The following SRRM3 variants were observed in gnomAD, a reference collection of about 807,000 sequenced individuals.
SRRM3 encodes the protein serine/arginine repetitive matrix protein 3.
SRRM3 carries 27 observed loss-of-function variants against 66.2 expected under a neutral mutation model. The observed-to-expected ratio is 0.41, with a 90% CI of 0.30 to 0.56. The LOEUF is 0.56. Ranked by LOEUF, SRRM3 falls within the 20% of genes least tolerant of loss-of-function variation. The pLI is 0.32. For missense variants in SRRM3, 918 were observed against 991.9 expected (o/e 0.93, Z 1.00); for synonymous variants, 391 against 414.9 (o/e 0.94, Z 0.70).
At chr7:76,271,599 C>T (rs1361129989) in intron 11 of SRRM3, among the ~76,000 whole-genome samples, 3 of 152,132 alleles carry the variant, frequency 2.0e-5, no homozygotes, top group Non-Finnish European at 2.9e-5. Flanking sequence ...GCCATGATTG[C>T]GCCACTGCAC....
rs1802622967 is a variant in SRRM3 at position 76,285,032 on chromosome 7, G to A, written c.1734-583G>A. ...CACTTACACGCCAGCTTGGGTGATG[G>A]GAGCTGTCCACATTTGCAAGTTTCA... On this transcript the variant is annotated intron_variant, in intron 14 of 14. Coordinates refer to ENST00000611745, the MANE Select transcript of SRRM3 (RefSeq NM_001110199.3). The surrounding 1 kb of genome is among the most constrained non-coding windows in gnomAD (Gnocchi z 4.1). 6.6e-6 allele frequency among the ~76,000 whole-genome samples: 1 copy of A among 152,172 alleles called. No homozygotes were observed. The highest frequency in any genetic ancestry group is 1.5e-5 in the Non-Finnish European group (1 of 68,022).
At chr7:76,278,911 G>A (rs781830263) in intron 11 of SRRM3, among the ~76,000 whole-genome samples, 9 of 152,138 alleles carry the variant, frequency 5.9e-5, no homozygotes, top group South Asian at 2.1e-4. Flanking sequence ...AGTCCCTAGC[G>A]GCAAGGTGCC....
At chr7:76,220,003 T>C (rs782749386) in intron 1 of SRRM3, among the ~76,000 whole-genome samples, 1 of 152,168 alleles carries the variant, frequency 6.6e-6, no homozygotes, top group Admixed American at 6.5e-5. Context: ...AGCATGCACA[T>C]AGTCTAGGCA....
intron 14 of SRRM3, chr7:76,283,890 A>AG: frequency 5.2e-6 from 5 of 970,546 alleles, no homozygotes; most frequent in Non-Finnish European, 6.1e-6. Flanking sequence ...TTACCCTGGC[A>AG]GGGGGTTGGG....
chr7:76,266,266 A>C (rs868916176), intron 10 of SRRM3, among the ~76,000 whole-genome samples: 1 of 119,392 alleles, frequency 8.4e-6, no homozygotes, highest in Non-Finnish European at 1.6e-5. Context: ...TAATATATTT[A>C]TATTTAATTA....
At chr7:76,223,284 C>T (rs548845714) in intron 1 of SRRM3, among the ~76,000 whole-genome samples, 4 of 152,294 alleles carry the variant, frequency 2.6e-5, no homozygotes, top group African/African-American at 9.6e-5. Context: ...CAGCCCCACG[C>T]TCTTGGGCAG....
At chr7:76,218,674 CTTTTTTTTTTTT>C (rs11349335) in intron 1 of SRRM3, among the ~76,000 whole-genome samples, 6 of 76,280 alleles carry the variant, frequency 7.9e-5, no homozygotes, top group African/African-American at 2.2e-4. Flanking sequence ...GCTTTCTTTT[CTTTTTTTTTTTT>C]TTTTTTTTTT....
chr7:76,282,507 C>CATTTTTT, intron 12 of SRRM3, 141 bp from the exon 13 acceptor site: 1 of 468,662 alleles, frequency 2.1e-6, no homozygotes, highest in Non-Finnish European at 3.6e-6. Flanking sequence ...GCTCCGCGTT[C>CATTTTTT]ACTGCGCACT....
At chr7:76,260,076 G>GCCCC in intron 4 of SRRM3, 41 bp from the exon 5 acceptor site, 3 of 1,431,298 alleles carry the variant, frequency 2.1e-6, no homozygotes, top group South Asian at 1.5e-5. Flanking sequence ...GCGCGGGGCT[G>GCCCC]CCCCCCCTCA....
rs1554612614 is a variant in SRRM3, at chr7:76,285,544, A to G, written c.1734-71A>G. 7.7e-7 allele frequency: 1 copy of G among 1,295,970 alleles called. No homozygotes were observed. The highest frequency in any genetic ancestry group is 2.6e-5 in the East Asian group (1 of 39,206). 80.3% of individuals were successfully genotyped at this position (1,295,970 alleles called of 1,614,324 possible). Reference sequence around the variant, plus strand: ...AGGGCTCAGGGGAAACTGAGGCAGGAAGCCCTGGCCGCTGCTGGGATGGGG... The same window carrying G: ...AGGGCTCAGGGGAAACTGAGGCAGGGAGCCCTGGCCGCTGCTGGGATGGGG... On this transcript the variant is annotated intron_variant, in intron 14 of 14. Coordinates refer to ENST00000611745, the MANE Select transcript of SRRM3 (RefSeq NM_001110199.3). The surrounding 1 kb of genome is among the most constrained non-coding windows in gnomAD (Gnocchi z 4.1).
chr7:76,282,994 C>G lies in SRRM3; in HGVS notation c.1626C>G (p.His542Gln), dbSNP rs1554612225. 1 of 1,457,056 alleles carries G rather than the reference C, an allele frequency of 6.9e-7. No homozygotes were observed. The highest frequency in any genetic ancestry group is 9.0e-7 in the Non-Finnish European group (1 of 1,110,926). 90.3% of individuals were successfully genotyped at this position (1,457,056 alleles called of 1,614,324 possible). Residue 542 changes from histidine (H) to glutamine (Q), a missense_variant, in exon 14 of 15, where the codon CAC becomes CAG. Physicochemically the swap from His to Gln is conservative, Grantham distance 24. Transcript: ENST00000611745. ...RDKDGEGRAR[H>Q]SEAEATRARR... ...AGGACGGCGAGGGCCGCGCAAGGCA[C>G]TCTGAGGCCGAGGCCACCCGCGCCC...
At chr7:76,243,956 A>G (rs1801373898) in intron 2 of SRRM3, among the ~76,000 whole-genome samples, 1 of 152,102 alleles carries the variant, frequency 6.6e-6, no homozygotes, top group Admixed American at 6.6e-5. Flanking sequence ...TGCCCAACTC[A>G]CATGCCCAGA....
chr7:76,270,612 G>C (rs541729113), intron 11 of SRRM3, among the ~76,000 whole-genome samples: 1 of 152,040 alleles, frequency 6.6e-6, no homozygotes. Context: ...AGGAGTTCGA[G>C]ACCAGCCTGG....
chr7:76,208,161 A>G lies in SRRM3; in HGVS notation c.-40+6094A>G, dbSNP rs535561672. ...GGGAAGGAGGACATGAGAGCATCAC[A>G]TATCCCTGGCGGGGTGGGCTTAGGG... On this transcript the variant is annotated intron_variant, in intron 1 of 14. Coordinates refer to ENST00000611745, the MANE Select transcript of SRRM3 (RefSeq NM_001110199.3). Among the ~76,000 whole-genome samples, 5 of 152,260 alleles carry G rather than the reference A, an allele frequency of 3.3e-5. No individual in the cohort carries two copies. The South Asian group carries it at 6.2e-4, about 19-fold the overall frequency.
chr7:76,272,398 C>CAA (rs5884990), intron 11 of SRRM3, among the ~76,000 whole-genome samples: 37 of 150,924 alleles, frequency 2.5e-4, no homozygotes, highest in African/African-American at 7.5e-4. Context: ...CCTATCTCTA[C>CAA]AAAAAAAAAA....
At chr7:76,275,947 G>A (rs1783449330) in intron 11 of SRRM3, among the ~76,000 whole-genome samples, 1 of 152,106 alleles carries the variant, frequency 6.6e-6, no homozygotes, top group Admixed American at 6.6e-5. Context: ...AGACATGGCG[G>A]TGTGTACCTG....
chr7:76,227,239 T>A (rs1800895864), intron 1 of SRRM3, among the ~76,000 whole-genome samples: 1 of 152,106 alleles, frequency 6.6e-6, no homozygotes, highest in South Asian at 2.1e-4. Context: ...CTGCTCTGCC[T>A]CCAAAGAAGT....
rs781833246 is a variant in SRRM3 at position 76,248,208 on chromosome 7, G to A, written c.254G>A (p.Arg85Gln). The A allele has an allele frequency of 1.4e-5, 22 of 1,613,516 alleles. No individual in the cohort carries two copies. The South Asian group carries it at 1.5e-4, about 11-fold the overall frequency. ...EEQGYSEEEI[R>Q]QKVGTFRQML... is the part of the protein sequence containing the mutation. ...TGCAGGTATTCGGAGGAGGAGATTCGGCAGAAAGTGGGGACATTCCGGCAG... is the reference window on the plus strand; with the variant it reads ...TGCAGGTATTCGGAGGAGGAGATTCAGCAGAAAGTGGGGACATTCCGGCAG... The change falls in exon 3 of 15, where the codon CGG (arginine) becomes CAG (glutamine). Residue 85 changes from arginine (R) to glutamine (Q), a missense_variant. Arg to Gln is a conservative substitution (Grantham distance 43). Coordinates refer to ENST00000611745, the MANE Select transcript of SRRM3 (RefSeq NM_001110199.3).
chr7:76,204,269 T>A (rs1800238964), intron 1 of SRRM3, among the ~76,000 whole-genome samples: 1 of 152,144 alleles, frequency 6.6e-6, no homozygotes, highest in South Asian at 2.1e-4. Context: ...GCTCTTCCTG[T>A]CTCAGAAGCC....
Sources: gnomAD v4.1 joint callset for allele counts (sites outside exome capture counted in the v4.1 genomes callset) on GRCh38, gnomAD v4.1.1 for gene constraint, Gnocchi (gnomAD v3.1) non-coding constraint, MANE v1.5 for transcripts, NCBI Gene and HGNC (gene_info 2026-07-23, HGNC 2026-07-21) for gene names.